The following PALLD variants were observed in gnomAD, a reference collection of about 807,000 sequenced individuals.
PALLD encodes palladin.
A neutral mutation model predicts 123.5 loss-of-function variants in PALLD; 61 were observed. The ratio of observed to expected loss-of-function variants is 0.49; its 90% CI spans 0.40 to 0.61. The LOEUF (loss-of-function observed/expected upper bound fraction) is 0.61. Ranked by LOEUF, PALLD falls within the 20% of genes least tolerant of loss-of-function variation. The pLI is 0.00. For synonymous variants in PALLD, 465 were observed against 496.4 expected (o/e 0.94, Z 0.84); for missense variants, 1,273 against 1,377.0 (o/e 0.92, Z 1.20).
At chr4:168,734,170 CTT>C (rs1209315514) in intron 10 of PALLD, among the ~76,000 whole-genome samples, 3 of 152,168 alleles carry the variant, frequency 2.0e-5, no homozygotes, top group East Asian at 3.9e-4. Context: ...GAATTGGCAT[CTT>C]AATTAGTAAC....
intron 10 of PALLD, among the ~76,000 whole-genome samples, chr4:168,867,394 C>A (rs1268407900): frequency 6.6e-6 from 1 of 152,188 alleles, no homozygotes; most frequent in Non-Finnish European, 1.5e-5. Flanking sequence ...GGATACCCTT[C>A]TCAGGCCTCC....
chr4:168,653,874 G>T lies in PALLD; in HGVS notation c.909-14316G>T, dbSNP rs536882468. Among the ~76,000 whole-genome samples, 10 of 151,890 alleles carry T rather than the reference G, an allele frequency of 6.6e-5. No individual in the cohort carries two copies. The South Asian group carries it at 2.1e-3, about 32-fold the overall frequency. ...CGCCACCATGCCCAGCTAATTTTTC[G>T]TATTTTTAGTAGAGACAGGGTTTCA... On this transcript the variant is annotated intron_variant, in intron 2 of 21. Transcript: ENST00000505667.
intron 8 of PALLD, among the ~76,000 whole-genome samples, chr4:168,707,840 C>A (rs1784371738): frequency 6.6e-6 from 1 of 152,188 alleles, no homozygotes; most frequent in South Asian, 2.1e-4. Context: ...TATCACTTTT[C>A]TTAACGTTTG....
intron 2 of PALLD, among the ~76,000 whole-genome samples, chr4:168,641,294 G>A (rs1009509960): frequency 5.9e-5 from 9 of 151,954 alleles, no homozygotes; most frequent in Admixed American, 1.3e-4. Context: ...TGGGATCTGC[G>A]TTTTAATAAG....
chr4:168,881,776 G>T (rs2151141829), intron 10 of PALLD, among the ~76,000 whole-genome samples: 1 of 152,256 alleles, frequency 6.6e-6, no homozygotes, highest in East Asian at 1.9e-4. Flanking sequence ...TTGCTGGTAA[G>T]TTGGTGTTAC....
chr4:168,697,218 A>T (rs914471900), intron 8 of PALLD, among the ~76,000 whole-genome samples: 3 of 152,248 alleles, frequency 2.0e-5, no homozygotes, highest in Non-Finnish European at 4.4e-5. Context: ...AAAACTTCAC[A>T]TGGAAATCTA....
intron 10 of PALLD, among the ~76,000 whole-genome samples, chr4:168,785,846 G>GAGATATATATATATATATATAT (rs764117358): frequency 1.7e-4 from 14 of 80,902 alleles, no homozygotes; most frequent in Middle Eastern, 7.1e-3. Flanking sequence ...AAACTGTAGA[G>GAGATATATATATATATATATAT]ATATATATAT....
intron 10 of PALLD, among the ~76,000 whole-genome samples, chr4:168,729,429 G>T (rs1358983855): frequency 6.6e-6 from 1 of 152,176 alleles, no homozygotes; most frequent in South Asian, 2.1e-4. Context: ...ATCCCAAGGT[G>T]CTAGGATTAC....
chr4:168,703,919 T>A, intron 8 of PALLD, among the ~76,000 whole-genome samples: 1 of 152,014 alleles, frequency 6.6e-6, no homozygotes, highest in South Asian at 2.1e-4. Flanking sequence ...TTTAATTAGA[T>A]CCCATGTGTC....
At chr4:168,537,536 A>G (rs930802051) in intron 2 of PALLD, 3 of 152,318 alleles carry the variant, frequency 2.0e-5, no homozygotes, top group African/African-American at 4.8e-5. Flanking sequence ...TTCAATTAAG[A>G]AATCTTATAA....
intron 10 of PALLD, among the ~76,000 whole-genome samples, chr4:168,886,593 TG>T (rs1343849984): frequency 6.6e-6 from 1 of 152,176 alleles, no homozygotes; most frequent in East Asian, 1.9e-4. Flanking sequence ...CAGGGAGCTG[TG>T]ATCACACCAC....
At chr4:168,789,738 T>G (rs1737243905) in intron 10 of PALLD, among the ~76,000 whole-genome samples, 1 of 151,674 alleles carries the variant, frequency 6.6e-6, no homozygotes, top group Admixed American at 6.6e-5. Flanking sequence ...GTAATGCTGA[T>G]AACTTGAACA....
rs1762633990 is a variant in PALLD, at chr4:168,926,822, C to CAGAT, written c.*644_*647dup. The CAGAT allele has an allele frequency of 9.0e-6, 2 of 222,184 alleles. No homozygotes were observed. The highest frequency in any genetic ancestry group is 1.8e-5 in the Non-Finnish European group (2 of 111,108). The allele number at this position is 222,184 out of a possible 1,614,324, so 13.8% of individuals were successfully genotyped here. On this transcript the variant is annotated 3_prime_UTR_variant, in exon 22 of 22. Coordinates refer to ENST00000505667, the MANE Select transcript of PALLD (RefSeq NM_001166108.2). ...GATTCTGAAGCACAGTGTATTCAGA[C>CAGAT]AGATACAGTGAACCAAGTGCAATAT...
At chr4:168,524,724 C>T (rs1454105116) in intron 2 of PALLD, among the ~76,000 whole-genome samples, 1 of 152,108 alleles carries the variant, frequency 6.6e-6, no homozygotes, top group Non-Finnish European at 1.5e-5. Context: ...AAAAGCAAAC[C>T]TCATGAATCG....
At chr4:168,729,333 T>C (rs1018534159) in intron 10 of PALLD, among the ~76,000 whole-genome samples, 1 of 128,186 alleles carries the variant, frequency 7.8e-6, no homozygotes, top group African/African-American at 2.9e-5. Context: ...ACCTGGCTAA[T>C]TTTTTTTTTT....
intron 2 of PALLD, among the ~76,000 whole-genome samples, chr4:168,642,717 A>G (rs1777082835): frequency 6.6e-6 from 1 of 152,232 alleles, no homozygotes; most frequent in Non-Finnish European, 1.5e-5. Context: ...CTTCTGCTCA[A>G]TAGGCTTGAG....
chr4:168,568,017 T>G (rs1768585979), intron 2 of PALLD, among the ~76,000 whole-genome samples: 1 of 152,132 alleles, frequency 6.6e-6, no homozygotes, highest in South Asian at 2.1e-4. Flanking sequence ...TTCTTTTCAA[T>G]TATCTACAAA....
chr4:168,841,531 G>A (rs1466017506), intron 10 of PALLD, among the ~76,000 whole-genome samples: 1 of 152,194 alleles, frequency 6.6e-6, no homozygotes, highest in Non-Finnish European at 1.5e-5. Flanking sequence ...CAGCTGCCCT[G>A]GGCTGGCAGT....
chr4:168,558,375 G>A lies in PALLD; in HGVS notation c.908+45963G>A, dbSNP rs140760974. Among the ~76,000 whole-genome samples, 505 of 152,296 alleles carry A rather than the reference G, an allele frequency of 3.3e-3. 5 individuals are homozygous for A. Among genetic ancestry groups the A allele is most frequent in the African/African-American group, 0.01 (435 of 41,560 alleles). ...TTTACCTTTCTCAGGCAGGAGTCAGGCGCCAGCCCTCTGGGTATCCCACAT... is the reference window on the plus strand; with the variant it reads ...TTTACCTTTCTCAGGCAGGAGTCAGACGCCAGCCCTCTGGGTATCCCACAT... On this transcript the variant is annotated intron_variant, in intron 2 of 21. Coordinates refer to ENST00000505667, the MANE Select transcript of PALLD (RefSeq NM_001166108.2).
Sources: allele counts gnomAD v4.1 joint callset (sites outside exome capture counted in the v4.1 genomes callset), GRCh38; gene constraint gnomAD v4.1.1; transcripts MANE v1.5; gene names NCBI Gene and HGNC (gene_info 2026-07-23, HGNC 2026-07-21).